Variants in CNTN5 observed in about 807,000 individuals in gnomAD.
CNTN5 encodes contactin-5.
Under a neutral mutation model 129.1 loss-of-function variants are expected in CNTN5, and 77 were observed. The ratio of observed to expected loss-of-function variants is 0.60; its 90% confidence interval spans 0.50 to 0.72. CNTN5 has a LOEUF of 0.72. CNTN5 is among the 30% of genes least tolerant of loss of function. The probability of loss-of-function intolerance (pLI) is 0.00; values close to 1 mark genes in which losing one functional copy is unlikely to be tolerated. For missense variants in CNTN5, 1,478 were observed against 1,328.8 expected (o/e 1.11, Z -1.75); for synonymous variants, 509 against 465.6 (o/e 1.09, Z -1.20).
At chr11:99,768,059 A>G (rs1944816031) in intron 3 of CNTN5, among the ~76,000 whole-genome samples, 1 of 152,084 alleles carries the variant, frequency 6.6e-6, no homozygotes, top group Non-Finnish European at 1.5e-5. Context: ...CTGCTTTTGC[A>G]CTGCAAGACT....
At chr11:99,163,995 C>A (rs1000242843) in intron 1 of CNTN5, among the ~76,000 whole-genome samples, 7 of 152,096 alleles carry the variant, frequency 4.6e-5, no homozygotes, top group Non-Finnish European at 8.8e-5. Context: ...GCTGACTTAT[C>A]TGATTAATAT....
At chr11:100,027,528 A>C (rs1174284925) in intron 9 of CNTN5, among the ~76,000 whole-genome samples, 1 of 152,184 alleles carries the variant, frequency 6.6e-6, no homozygotes, top group African/African-American at 2.4e-5. Flanking sequence ...TGGTCCTTCT[A>C]ATCCTTTCAG....
intron 21 of CNTN5, among the ~76,000 whole-genome samples, chr11:100,313,163 G>A (rs1241960616): frequency 1.3e-5 from 2 of 151,992 alleles, no homozygotes; most frequent in African/African-American, 4.8e-5. Context: ...AAGTCACAAT[G>A]TCCGATTTAT....
At chr11:99,214,581 T>C (rs1860023227) in intron 1 of CNTN5, among the ~76,000 whole-genome samples, 1 of 151,892 alleles carries the variant, frequency 6.6e-6, no homozygotes, top group African/African-American at 2.4e-5. Flanking sequence ...TGTTAAGATG[T>C]TAACCAGAAG....
intron 3 of CNTN5, among the ~76,000 whole-genome samples, chr11:99,784,045 C>G (rs114389782): frequency 9.8e-4 from 149 of 152,128 alleles, no homozygotes; most frequent in African/African-American, 3.5e-3. Context: ...CCTTGATACT[C>G]TAGTCACTAC....
chr11:99,781,186 TA>T (rs1234024259), intron 3 of CNTN5, among the ~76,000 whole-genome samples: 1 of 152,140 alleles, frequency 6.6e-6, no homozygotes, highest in African/African-American at 2.4e-5. Flanking sequence ...AAGAGTAAAA[TA>T]AATTGTTAAC....
chr11:99,788,236 A>C (rs1278178135), intron 3 of CNTN5, among the ~76,000 whole-genome samples: 1 of 151,870 alleles, frequency 6.6e-6, no homozygotes, highest in South Asian at 2.1e-4. Context: ...GAATTCCTCC[A>C]TTAATGAATA....
chr11:100,094,885 T>C (rs938753477), intron 13 of CNTN5, among the ~76,000 whole-genome samples: 10 of 152,048 alleles, frequency 6.6e-5, no homozygotes, highest in Non-Finnish European at 1.3e-4. Context: ...ACACATCTTT[T>C]TATGAGAATT....
chr11:99,999,699 C>T (rs1352199821), intron 8 of CNTN5, among the ~76,000 whole-genome samples: 1 of 152,104 alleles, frequency 6.6e-6, no homozygotes, highest in Non-Finnish European at 1.5e-5. Flanking sequence ...TGTAAAGACA[C>T]ATGCACACGT....
intron 3 of CNTN5, among the ~76,000 whole-genome samples, chr11:99,701,330 A>T (rs1261650660): frequency 6.6e-6 from 1 of 151,194 alleles, no homozygotes; most frequent in Non-Finnish European, 1.5e-5. Context: ...CTAGGAAAAA[A>T]GTAGTTATTT....
intron 9 of CNTN5, among the ~76,000 whole-genome samples, chr11:100,056,419 A>T (rs1013806524): frequency 4.0e-5 from 6 of 151,596 alleles, no homozygotes; most frequent in Non-Finnish European, 8.9e-5. Context: ...AAACAAAGTG[A>T]CATACCATGA....
At chr11:99,831,253 A>G (rs891766296) in intron 4 of CNTN5, among the ~76,000 whole-genome samples, 16 of 152,162 alleles carry the variant, frequency 1.1e-4, no homozygotes, top group African/African-American at 3.9e-4. Context: ...AGGATTCAGC[A>G]AACTCTTGGA....
intron 2 of CNTN5, among the ~76,000 whole-genome samples, chr11:99,376,187 G>A (rs1356943653): frequency 2.0e-5 from 3 of 152,162 alleles, no homozygotes; most frequent in African/African-American, 2.4e-5. Context: ...TCATGTTCCA[G>A]TCTCAGTGTA....
chr11:99,055,096 A>G (rs1864578135), intron 1 of CNTN5, among the ~76,000 whole-genome samples: 1 of 151,960 alleles, frequency 6.6e-6, no homozygotes, highest in Non-Finnish European at 1.5e-5. Context: ...TAGAATTTCC[A>G]TTTACGTGAT....
At chr11:99,943,707 T>G (rs955166993) in intron 7 of CNTN5, among the ~76,000 whole-genome samples, 1 of 152,176 alleles carries the variant, frequency 6.6e-6, no homozygotes, top group African/African-American at 2.4e-5. Flanking sequence ...AGTTAATTTA[T>G]GTACAAGGTG....
intron 3 of CNTN5, among the ~76,000 whole-genome samples, chr11:99,704,487 G>A (rs1229506016): frequency 6.6e-6 from 1 of 151,034 alleles, no homozygotes; most frequent in Non-Finnish European, 1.5e-5. Context: ...GTTTTGGTCT[G>A]CAAGATAAAA....
chr11:100,314,705 G>A (rs891766762), intron 21 of CNTN5, among the ~76,000 whole-genome samples: 5 of 152,050 alleles, frequency 3.3e-5, no homozygotes, highest in Non-Finnish European at 5.9e-5. Context: ...CATCATTAAG[G>A]GCAGTAAAGG....
intron 3 of CNTN5, among the ~76,000 whole-genome samples, chr11:99,751,447 A>C (rs1309216452): frequency 6.6e-6 from 1 of 152,232 alleles, no homozygotes; most frequent in African/African-American, 2.4e-5. Flanking sequence ...AGAAGTATTT[A>C]AATGGGAAAT....
intron 1 of CNTN5, among the ~76,000 whole-genome samples, chr11:99,221,769 T>TACAA (rs1860408035): frequency 6.6e-6 from 1 of 151,934 alleles, no homozygotes; most frequent in African/African-American, 2.4e-5. Context: ...AACTAACATA[T>TACAA]ACAAACACTT....
Sources: allele counts gnomAD v4.1 joint callset (sites outside exome capture counted in the v4.1 genomes callset), GRCh38; gene constraint gnomAD v4.1.1; transcripts MANE v1.5; gene names NCBI Gene and HGNC (gene_info 2026-07-23, HGNC 2026-07-21).